RAB30: variants seen among roughly 807,000 people sequenced by gnomAD.
RAB30 encodes RAB30, member RAS oncogene family, also known as ras-related protein Rab-30.
A neutral mutation model predicts 25.1 loss-of-function variants in RAB30; 9 were observed. The ratio of observed to expected loss-of-function variants is 0.36; its 90% CI spans 0.22 to 0.63. The LOEUF is 0.63. Ranked by LOEUF, RAB30 falls within the 20% of genes least tolerant of loss-of-function variation. The probability of loss-of-function intolerance (pLI) is 0.69; values close to 1 mark genes in which losing one functional copy is unlikely to be tolerated. For missense variants in RAB30, 140 were observed against 243.5 expected (o/e 0.58, Z 2.83); for synonymous variants, 77 against 86.4 (o/e 0.89, Z 0.60).
At chr11:82,985,113 C>T (rs1856716055) in intron 4 of RAB30, among the ~76,000 whole-genome samples, 2 of 152,118 alleles carry the variant, frequency 1.3e-5, no homozygotes, top group African/African-American at 4.8e-5. Context: ...GCTGGGATTA[C>T]AGGCATGCTT....
At chr11:83,021,465 C>T (rs569034157) in intron 1 of RAB30, among the ~76,000 whole-genome samples, 6 of 152,312 alleles carry the variant, frequency 3.9e-5, no homozygotes, top group East Asian at 1.9e-4. Context: ...CTGCTTGCGG[C>T]GCACCTGGTC....
intron 1 of RAB30, among the ~76,000 whole-genome samples, chr11:83,015,313 A>C (rs999570198): frequency 9.9e-5 from 15 of 152,124 alleles, no homozygotes; most frequent in African/African-American, 3.4e-4. Flanking sequence ...GAAGGGTATA[A>C]ATTTTGGAGT....
chr11:83,043,885 A>C (rs1004290465), intron 1 of RAB30, among the ~76,000 whole-genome samples: 3 of 152,206 alleles, frequency 2.0e-5, no homozygotes, highest in South Asian at 4.1e-4. Flanking sequence ...TTACTGGAGG[A>C]AACACTACTA....
rs183271953 is a variant in RAB30, at chr11:83,066,432, T to C, written c.-9+5259A>G. ...AGGGAACTCTGTGCAATTAGAATGA[T>C]TTTTTTGAGAAACTGACTTGAATAA... On this transcript the variant is annotated intron_variant, in intron 1 of 4. Coordinates refer to ENST00000527633, the MANE Select transcript of RAB30 (RefSeq NM_001286060.2). Among the ~76,000 whole-genome samples, 719 of 96,616 alleles carry C rather than the reference T, an allele frequency of 7.4e-3. 5 individuals are homozygous for C. Among genetic ancestry groups the C allele is most frequent in the African/African-American group, 0.019 (695 of 37,308 alleles). The allele number at this position is 96,616 out of a possible 152,430, so 63.4% of individuals were successfully genotyped here.
intron 1 of RAB30, among the ~76,000 whole-genome samples, chr11:83,064,585 G>A (rs1643218857): frequency 6.6e-6 from 1 of 152,132 alleles, no homozygotes; most frequent in South Asian, 2.1e-4. Context: ...ATTTAGAAAG[G>A]ATATAAAACA....
chr11:83,006,804 C>G (rs1163378074), intron 1 of RAB30, among the ~76,000 whole-genome samples: 1 of 152,160 alleles, frequency 6.6e-6, no homozygotes, highest in Non-Finnish European at 1.5e-5. Context: ...AGTTGCTTTT[C>G]CAGTTCATTG....
chr11:83,035,639 G>A (rs886655504), intron 1 of RAB30: 1 of 152,238 alleles, frequency 6.6e-6, no homozygotes, highest in African/African-American at 2.4e-5. Context: ...TTTCCCAAGG[G>A]AGATGACTGT....
intron 1 of RAB30, among the ~76,000 whole-genome samples, chr11:83,002,426 C>A (rs79733275): frequency 6.6e-6 from 1 of 152,072 alleles, no homozygotes; most frequent in Non-Finnish European, 1.5e-5. Context: ...AACAGGAGCA[C>A]AGATGAGCAA....
chr11:83,024,971 C>T (rs1857674593), intron 1 of RAB30, among the ~76,000 whole-genome samples: 1 of 152,186 alleles, frequency 6.6e-6, no homozygotes, highest in African/African-American at 2.4e-5. Flanking sequence ...GTAGGAAACC[C>T]TATTTAACTC....
At chr11:83,033,556 A>G (rs769056678) in intron 1 of RAB30, among the ~76,000 whole-genome samples, 1 of 152,224 alleles carries the variant, frequency 6.6e-6, no homozygotes, top group Non-Finnish European at 1.5e-5. Flanking sequence ...CTTAATCCCT[A>G]CAACCACACT....
At position 82,978,662 on chromosome 11, in the gene RAB30, G is replaced by C. The variant is rs900206691; in HGVS notation, c.*3503C>G. The C allele has an allele frequency of 2.0e-5, 3 of 152,124 alleles. No homozygotes were observed. Among genetic ancestry groups the C allele is most frequent in the Non-Finnish European group, 4.4e-5 (3 of 68,030 alleles). 9.4% of individuals were successfully genotyped at this position (152,124 alleles called of 1,614,324 possible). On this transcript the variant is annotated 3_prime_UTR_variant, in exon 5 of 5. Coordinates refer to ENST00000527633, the MANE Select transcript of RAB30 (RefSeq NM_001286060.2). ...TTGGTGTGGGATCTGGTGGAATTAT[G>C]GGCTAGCTTAAAGGGTAATGTGGCA... is the stretch of plus-strand genomic sequence containing the variant.
At chr11:82,986,641 A>G (rs1265209940) in intron 4 of RAB30, among the ~76,000 whole-genome samples, 1 of 152,260 alleles carries the variant, frequency 6.6e-6, no homozygotes, top group African/African-American at 2.4e-5. Context: ...ACAACGTAAC[A>G]TATTACAGCT....
intron 4 of RAB30, among the ~76,000 whole-genome samples, chr11:82,983,808 G>C (rs1856687442): frequency 6.6e-6 from 1 of 151,944 alleles, no homozygotes; most frequent in African/African-American, 2.4e-5. Context: ...TATAGCCTAA[G>C]GACAAAAAGA....
intron 1 of RAB30, among the ~76,000 whole-genome samples, chr11:83,013,820 A>G (rs1857356392): frequency 6.6e-6 from 1 of 152,248 alleles, no homozygotes; most frequent in East Asian, 1.9e-4. Context: ...GTCTACAATA[A>G]GCCAGATACT....
chr11:83,034,695 G>A (rs1414742271), intron 1 of RAB30: 3 of 152,188 alleles, frequency 2.0e-5, no homozygotes, highest in African/African-American at 7.2e-5. Context: ...CCAGAACCAA[G>A]GTGGGAGGAA....
intron 1 of RAB30, among the ~76,000 whole-genome samples, chr11:83,068,060 G>A (rs1285403691): frequency 6.6e-6 from 1 of 151,516 alleles, no homozygotes; most frequent in East Asian, 1.9e-4. Context: ...AGAGATGGAG[G>A]CTGCAGTGAG....
Position 82,979,957 on chromosome 11 carries a change from A to G in RAB30, c.*2208T>C, listed in dbSNP as rs987714548. 1.3e-5 allele frequency: 2 copies of G among 152,222 alleles called. No homozygotes were observed. The highest frequency in any genetic ancestry group is 1.3e-4 in the Admixed American group (2 of 15,280). The allele number at this position is 152,222 out of a possible 1,614,324, so 9.4% of individuals were successfully genotyped here. A position where few individuals can be genotyped will look rare whatever the true frequency, so the allele number is the denominator to read the frequency against. ...ATTATTTTGCAACTAAATCAGTCCAATCTAACACAGCCATTTCCTCTAAGT... is the reference window on the plus strand; with the variant it reads ...ATTATTTTGCAACTAAATCAGTCCAGTCTAACACAGCCATTTCCTCTAAGT... On this transcript the variant is annotated 3_prime_UTR_variant, in exon 5 of 5. Transcript: ENST00000527633.
intron 1 of RAB30, among the ~76,000 whole-genome samples, chr11:83,056,954 G>C (rs940052545): frequency 6.6e-6 from 1 of 152,154 alleles, no homozygotes; most frequent in Non-Finnish European, 1.5e-5. Flanking sequence ...AAAGCATGCA[G>C]AATTCTAAGA....
intron 1 of RAB30, among the ~76,000 whole-genome samples, chr11:83,009,814 A>G (rs1857266370): frequency 6.6e-6 from 1 of 152,200 alleles, no homozygotes; most frequent in Non-Finnish European, 1.5e-5. Flanking sequence ...AAGCCTTTCA[A>G]TACTCATCAA....
Sources: gnomAD v4.1 joint callset for allele counts (sites outside exome capture counted in the v4.1 genomes callset) on GRCh38, gnomAD v4.1.1 for gene constraint, MANE v1.5 for transcripts, NCBI Gene and HGNC (gene_info 2026-07-23, HGNC 2026-07-21) for gene names.